GAN: variants seen among roughly 807,000 people sequenced by gnomAD.
GAN encodes the protein gigaxonin, also known as epididymis secretory sperm binding protein.
GAN carries 48 observed loss-of-function variants against 71.3 expected under a neutral mutation model. The observed-to-expected ratio is 0.67, with a 90% CI of 0.53 to 0.86. The LOEUF is 0.86. Ranked by LOEUF, GAN falls within the 40% of genes least tolerant of loss-of-function variation. GAN has a pLI of 0.00. For synonymous variants in GAN, 386 were observed against 276.8 expected (o/e 1.39, Z -3.92); for missense variants, 928 against 770.1 (o/e 1.21, Z -2.43).
At chr16:81,359,535 A>G (rs1910603270) in intron 5 of GAN, among the ~76,000 whole-genome samples, 1 of 151,844 alleles carries the variant, frequency 6.6e-6, no homozygotes, top group Non-Finnish European at 1.5e-5. Context: ...CTTAGAAATT[A>G]CAGCCTGTAT....
At position 81,363,561 on chromosome 16, in the gene GAN, T is replaced by C. The variant is rs2550738; in HGVS notation, c.1087-233T>C. Among the ~76,000 whole-genome samples, 33,019 of 152,196 alleles carry C rather than the reference T, an allele frequency of 0.22. 3,866 individuals carry two copies. Among genetic ancestry groups the C allele is most frequent in the Non-Finnish European group, 0.28 (18,852 of 67,982 alleles). Reference sequence around the variant, plus strand: ...TGTGCAGGTTTGTTATGTGTGTATATTGCATAATGCTGAGGTTTGCAGTAA... The same window carrying C: ...TGTGCAGGTTTGTTATGTGTGTATACTGCATAATGCTGAGGTTTGCAGTAA... On this transcript the variant is annotated intron_variant, in intron 6 of 10. Transcript: ENST00000648994.
At position 81,381,037 on chromosome 16, in the gene GAN, G is replaced by C. The variant is rs748118091; in HGVS notation, c.*3441G>C. 1 of 152,160 alleles carries C rather than the reference G, an allele frequency of 6.6e-6. No homozygotes were observed. Among genetic ancestry groups the C allele is most frequent in the Non-Finnish European group, 1.5e-5 (1 of 68,024 alleles). The allele number at this position is 152,160 out of a possible 1,614,324, so 9.4% of individuals were successfully genotyped here. A position where few individuals can be genotyped will look rare whatever the true frequency, so the allele number is the denominator to read the frequency against. Reference sequence around the variant, plus strand: ...CTTTAATGATGACACTTCCTTCATTGATGGCTTGGAAGTGTCATTTTTATA... The same window carrying C: ...CTTTAATGATGACACTTCCTTCATTCATGGCTTGGAAGTGTCATTTTTATA... On this transcript the variant is annotated 3_prime_UTR_variant, in exon 11 of 11. Transcript: ENST00000648994.
chr16:81,322,803 A>C (rs1909262543), intron 1 of GAN, among the ~76,000 whole-genome samples: 1 of 152,178 alleles, frequency 6.6e-6, no homozygotes, highest in Non-Finnish European at 1.5e-5. Context: ...AAATATTTGC[A>C]CTTTTGTCAC....
intron 1 of GAN, among the ~76,000 whole-genome samples, chr16:81,338,566 G>C (rs1909841655): frequency 6.6e-6 from 1 of 152,140 alleles, no homozygotes; most frequent in Non-Finnish European, 1.5e-5. Context: ...GTTTTGGTAG[G>C]TATTAGAAAA....
At position 81,373,532 on chromosome 16, in the gene GAN, G is replaced by A. The variant is rs554315686; in HGVS notation, c.1503-3687G>A. On this transcript the variant is annotated intron_variant, in intron 9 of 10. Transcript: ENST00000648994. ...CCCATTTCCATAAGCCATTCAATCAGCTTCTCCTAGTGTTAACATCTTACA... is the reference window on the plus strand; with the variant it reads ...CCCATTTCCATAAGCCATTCAATCAACTTCTCCTAGTGTTAACATCTTACA... Among the ~76,000 whole-genome samples, 23 of 152,312 alleles carry A rather than the reference G, an allele frequency of 1.5e-4. No individual in the cohort carries two copies. In the East Asian group the frequency reaches 4.4e-3, roughly 29 times the overall value.
At chr16:81,317,762 G>A (rs1450929350) in intron 1 of GAN, among the ~76,000 whole-genome samples, 4 of 152,184 alleles carry the variant, frequency 2.6e-5, no homozygotes, top group African/African-American at 9.7e-5. Context: ...AAACTTTACT[G>A]TTAGCTGGCT....
intron 1 of GAN, among the ~76,000 whole-genome samples, chr16:81,315,878 C>T (rs939384514): frequency 6.6e-6 from 1 of 152,360 alleles, no homozygotes; most frequent in East Asian, 1.9e-4. Flanking sequence ...GTTGGTAGTC[C>T]GAACCTCCGG....
At chr16:81,317,051 G>A (rs1909067417) in intron 1 of GAN, among the ~76,000 whole-genome samples, 2 of 152,102 alleles carry the variant, frequency 1.3e-5, no homozygotes, top group South Asian at 4.1e-4. Context: ...TAGAGTCGGG[G>A]TTTTACCATG....
chr16:81,321,290 GTTA>G (rs1567477899), intron 1 of GAN, among the ~76,000 whole-genome samples: 1 of 152,178 alleles, frequency 6.6e-6, no homozygotes. Context: ...CCCGAGGATT[GTTA>G]TTATGAGTAA....
rs116570487 is a variant in GAN at position 81,364,658 on chromosome 16, C to A, written c.1237-316C>A. ...GAACTATGATGGCACCACTGCACTC[C>A]AGCCAAGGCAACTGAACGAGACCCT... On this transcript the variant is annotated intron_variant, in intron 7 of 10. Coordinates refer to ENST00000648994, the MANE Select transcript of GAN (RefSeq NM_022041.4). Among the ~76,000 whole-genome samples the A allele has an allele frequency of 2.9e-3, 437 of 152,236 alleles. 2 individuals carry two copies. The highest frequency in any genetic ancestry group is 0.01 in the African/African-American group (420 of 41,546).
intron 1 of GAN, among the ~76,000 whole-genome samples, chr16:81,339,143 T>C (rs1029983057): frequency 9.9e-5 from 15 of 152,222 alleles, no homozygotes; most frequent in Non-Finnish European, 7.3e-5. Context: ...AACCCCTTGT[T>C]ACTCAAAGAG....
chr16:81,341,710 A>C (rs1214739842), intron 1 of GAN, among the ~76,000 whole-genome samples: 1 of 152,230 alleles, frequency 6.6e-6, no homozygotes, highest in African/African-American at 2.4e-5. Flanking sequence ...CGATGCTGTG[A>C]AGTAACTGCA....
At chr16:81,340,207 C>T (rs534036411) in intron 1 of GAN, among the ~76,000 whole-genome samples, 3 of 152,154 alleles carry the variant, frequency 2.0e-5, no homozygotes, top group East Asian at 1.9e-4. Flanking sequence ...ACAAAGTGCC[C>T]GGATTACAGG....
In GAN at chr16:81,382,196, A is replaced by G. The variant is rs1904308975; in HGVS notation, c.*4600A>G. 1 of 152,154 alleles carries G rather than the reference A, an allele frequency of 6.6e-6. No individual in the cohort carries two copies. The highest frequency in any genetic ancestry group is 1.5e-5 in the Non-Finnish European group (1 of 68,022). The allele number at this position is 152,154 out of a possible 1,614,324, so 9.4% of individuals were successfully genotyped here. A position where few individuals can be genotyped will look rare whatever the true frequency, so the allele number is the denominator to read the frequency against. ...TAGATATGGCTTCATTTCTCACTTT[A>G]GGGAGGAGCAAGAACCAAAAGCAGA... is the stretch of plus-strand genomic sequence containing the variant. On this transcript the variant is annotated 3_prime_UTR_variant, in exon 11 of 11. Coordinates refer to ENST00000648994, the MANE Select transcript of GAN (RefSeq NM_022041.4).
intron 5 of GAN, among the ~76,000 whole-genome samples, chr16:81,358,859 A>G (rs1230613770): frequency 1.3e-5 from 2 of 152,096 alleles, no homozygotes; most frequent in Admixed American, 6.5e-5. Flanking sequence ...GTGTCATCTC[A>G]TGTCATCCTA....
chr16:81,318,410 C>A (rs997422940), intron 1 of GAN, among the ~76,000 whole-genome samples: 1 of 152,158 alleles, frequency 6.6e-6, no homozygotes, highest in African/African-American at 2.4e-5. Context: ...CACCTGTAAT[C>A]CTAGCACTGT....
At chr16:81,364,047 A>G in intron 7 of GAN, 104 bp downstream of exon 7, 3 of 935,462 alleles carry the variant, frequency 3.2e-6, no homozygotes, top group Admixed American at 1.7e-5. Context: ...GATGGTGTTA[A>G]AAGAATTAAC....
rs1910706203 is a variant in GAN at position 81,362,480 on chromosome 16, T to A, written c.974-19T>A. ...TGAAGACTCACATTTCATATTTGTG[T>A]TTCCTTTGATCTTTGCAGAAGGATT... is the stretch of plus-strand genomic sequence containing the variant. On this transcript the variant is annotated intron_variant, in intron 5 of 10. Transcript: ENST00000648994. 2 of 1,312,956 alleles carry A rather than the reference T, an allele frequency of 1.5e-6. No homozygotes were observed. Among genetic ancestry groups the A allele is most frequent in the Non-Finnish European group, 1.1e-6 (1 of 904,966 alleles). The allele number at this position is 1,312,956 out of a possible 1,614,324, so 81.3% of individuals were successfully genotyped here.
rs1904284797 is a variant in GAN at position 81,377,318 on chromosome 16, T to C, written c.1602T>C (p.Asp534=). Residue 534 remains aspartate, a synonymous_variant, in exon 10 of 11, where the codon GAT becomes GAC. Coordinates refer to ENST00000648994, the MANE Select transcript of GAN (RefSeq NM_022041.4). ...GAGCCAGTATTTATGTTATTGGAGA[T>C]CTTGATACAGGTAAGAGTGTTACAG... ...PIGASIYVIG[D]LDTGTNYDYV... The C allele has an allele frequency of 1.9e-6, 3 of 1,593,746 alleles. No individual in the cohort carries two copies. The highest frequency in any genetic ancestry group is 2.7e-5 in the African/African-American group (2 of 74,542).
Sources: allele counts gnomAD v4.1 joint callset (sites outside exome capture counted in the v4.1 genomes callset), GRCh38; gene constraint gnomAD v4.1.1; transcripts MANE v1.5; gene names NCBI Gene and HGNC (gene_info 2026-07-23, HGNC 2026-07-21).